RUFY2: variants seen among roughly 807,000 people sequenced by gnomAD.
RUFY2 encodes the protein RUN and FYVE domain containing 2, also known as RUN and FYVE domain-containing protein 2.
Under a neutral mutation model 94.4 loss-of-function variants are expected in RUFY2, and 49 were observed. The ratio of observed to expected loss-of-function variants is 0.52; its 90% CI spans 0.41 to 0.66. The LOEUF (loss-of-function observed/expected upper bound fraction) is 0.66. Among genes scored for constraint, RUFY2 ranks in the 30% least tolerant of loss-of-function variants. The probability of loss-of-function intolerance (pLI) is 0.00; values close to 1 mark genes in which losing one functional copy is unlikely to be tolerated. For synonymous variants in RUFY2, 255 were observed against 235.7 expected, an observed-to-expected ratio of 1.08 and a Z score of -0.75; for missense variants, 541 against 692.8, an observed-to-expected ratio of 0.78 and a Z score of 2.46.
chr10:68,379,403 C>G, intron 12 of RUFY2, 21 bp downstream of exon 12: 1 of 1,544,122 alleles, frequency 6.5e-7, no homozygotes, highest in East Asian at 2.3e-5. Context: ...AAAAAAGAAA[C>G]TAAGACTGGA....
chr10:68,406,196 CTCCAATGA>C (rs1294619831), intron 1 of RUFY2, among the ~76,000 whole-genome samples: 1 of 151,840 alleles, frequency 6.6e-6, no homozygotes, highest in Non-Finnish European at 1.5e-5. Context: ...AACCCAGAGT[CTCCAATGA>C]TCTAGTATTC....
At chr10:68,378,783 A>G (rs2048833527) in intron 12 of RUFY2, 3 of 672,730 alleles carry the variant, frequency 4.5e-6, no homozygotes, top group Non-Finnish European at 7.4e-6. Context: ...GAGGATGTCA[A>G]TAAAAGAATA....
downstream of RUFY2, chr10:68,341,959 T>A: frequency 6.2e-7 from 1 of 1,612,882 alleles, no homozygotes; most frequent in Non-Finnish European, 8.5e-7. Context: ...TGAGTGATTC[T>A]TAATATCTTT....
intron 16 of RUFY2, among the ~76,000 whole-genome samples, chr10:68,347,086 CCACTGCACTCGAGCCTGAGCAAGAGTGA>C (rs971270373): frequency 6.6e-6 from 1 of 151,830 alleles, no homozygotes; most frequent in African/African-American, 2.4e-5. Context: ...GGCTTGAGTG[CCACTGCACTCGAGCCTGAGCAAGAGTGA>C]GACCCTGTCT....
At chr10:68,341,373 T>A, downstream of RUFY2, 1 of 1,510,114 alleles carries the variant, frequency 6.6e-7, no homozygotes, top group Non-Finnish European at 9.0e-7. Flanking sequence ...TAAGAGGCTC[T>A]AAGATCTGTA....
At chr10:68,383,680 G>A (rs2049266601) in intron 10 of RUFY2, 118 bp downstream of exon 10, 2 of 720,514 alleles carry the variant, frequency 2.8e-6, no homozygotes, top group East Asian at 2.5e-5. Flanking sequence ...ATTAAGGGGT[G>A]AGCTTGCTAC....
rs1424220876 is a variant in RUFY2 at position 68,343,822 on chromosome 10, A to T, written c.*1946T>A. On this transcript the variant is annotated 3_prime_UTR_variant, in exon 18 of 18. Transcript: ENST00000602465. Reference sequence around the variant, plus strand: ...TAAAAGCTGCCTAAAAAAAAAAAAAAAAAAAAAAAAAGCAAGTCAGTCAGT... The same window carrying T: ...TAAAAGCTGCCTAAAAAAAAAAAAATAAAAAAAAAAAGCAAGTCAGTCAGT... 2 of 149,346 alleles carry T rather than the reference A, an allele frequency of 1.3e-5. No homozygotes were observed. Among genetic ancestry groups the T allele is most frequent in the South Asian group, 2.1e-4 (1 of 4,766 alleles). 9.3% of individuals were successfully genotyped at this position (149,346 alleles called of 1,614,324 possible). A position where few individuals can be genotyped will look rare whatever the true frequency, so the allele number is the denominator to read the frequency against.
At chr10:68,359,080 T>A (rs2047252187) in intron 15 of RUFY2, among the ~76,000 whole-genome samples, 1 of 151,866 alleles carries the variant, frequency 6.6e-6, no homozygotes, top group African/African-American at 2.4e-5. Context: ...AACCATAATG[T>A]ACAAGAATAC....
intron 3 of RUFY2, among the ~76,000 whole-genome samples, chr10:68,398,780 A>C (rs982666727): frequency 6.6e-6 from 1 of 152,120 alleles, no homozygotes; most frequent in African/African-American, 2.4e-5. Context: ...GTACAGGAAG[A>C]GACTTGATCT....
At chr10:68,384,006 A>G (rs2049290646) in intron 9 of RUFY2, 45 bp downstream of exon 9, 3 of 1,584,904 alleles carry the variant, frequency 1.9e-6, no homozygotes, top group Admixed American at 1.7e-5. Context: ...CAAAAATGGT[A>G]ATTTCTGACA....
intron 16 of RUFY2, chr10:68,346,718 G>T (rs2046301268): frequency 6.6e-6 from 1 of 152,102 alleles, no homozygotes; most frequent in Non-Finnish European, 1.5e-5. Context: ...CATGCAATAC[G>T]AAATAAGCAC....
chr10:68,348,185 ATTT>A (rs375494025), intron 16 of RUFY2, among the ~76,000 whole-genome samples: 3 of 143,392 alleles, frequency 2.1e-5, no homozygotes, highest in African/African-American at 2.6e-5. Context: ...GAATCATAGA[ATTT>A]TTTTTTTTTT....
chr10:68,404,905 A>C, intron 1 of RUFY2, 61 bp from the exon 2 acceptor site: 2 of 1,347,542 alleles, frequency 1.5e-6, no homozygotes, highest in Non-Finnish European at 1.0e-6. Flanking sequence ...AAAATATACA[A>C]ACCATTCCCT....
rs573882499 is a variant in RUFY2, at chr10:68,369,432, C to T, written c.1326-5319G>A. Among the ~76,000 whole-genome samples the T allele has an allele frequency of 8.7e-5, 13 of 149,956 alleles. No individual in the cohort carries two copies. The South Asian group carries it at 2.5e-3, about 29-fold the overall frequency. On this transcript the variant is annotated intron_variant, in intron 13 of 17. Coordinates refer to ENST00000602465, the MANE Select transcript of RUFY2 (RefSeq NM_001330103.2). ...CTGGGGAGGTCAAGGCTGCAGTAAG[C>T]TGAGATTGTACCACTGCACTACAGC...
At chr10:68,405,169 T>C (rs1478153631) in intron 1 of RUFY2, among the ~76,000 whole-genome samples, 6 of 151,832 alleles carry the variant, frequency 4.0e-5, no homozygotes, top group Admixed American at 2.6e-4. Flanking sequence ...AAAAATTAGC[T>C]GGGCATGGTG....
rs1226102929 is a variant in RUFY2, at chr10:68,343,452, T to C, written c.*2316A>G. 3 of 152,580 alleles carry C rather than the reference T, an allele frequency of 2.0e-5. No individual in the cohort carries two copies. The highest frequency in any genetic ancestry group is 4.1e-4 in the South Asian group (2 of 4,838). 9.5% of individuals were successfully genotyped at this position (152,580 alleles called of 1,614,324 possible). Reference sequence around the variant, plus strand: ...GTTTTATTTTCCCAGGATTACTCTCTTAACATCTTAAAGCAGTAAAAGTAT... The same window carrying C: ...GTTTTATTTTCCCAGGATTACTCTCCTAACATCTTAAAGCAGTAAAAGTAT... On this transcript the variant is annotated 3_prime_UTR_variant, in exon 18 of 18. Transcript: ENST00000602465.
At chr10:68,359,987 G>A (rs913149488) in intron 15 of RUFY2, among the ~76,000 whole-genome samples, 6 of 151,996 alleles carry the variant, frequency 3.9e-5, no homozygotes, top group Admixed American at 1.3e-4. Flanking sequence ...CACCACACCC[G>A]GCTAATTTTT....
At chr10:68,376,795 A>T in intron 13 of RUFY2, 58 bp downstream of exon 13, 1 of 1,496,742 alleles carries the variant, frequency 6.7e-7, no homozygotes, top group Non-Finnish European at 9.3e-7. Context: ...CATTATGTGC[A>T]AAAAAATGAG....
intron 15 of RUFY2, among the ~76,000 whole-genome samples, chr10:68,357,493 A>C (rs1392651768): frequency 6.6e-6 from 1 of 152,076 alleles, no homozygotes; most frequent in African/African-American, 2.4e-5. Flanking sequence ...CGGCCTCCCA[A>C]AGTGCTAGGA....
Sources: gnomAD v4.1 joint callset for allele counts (sites outside exome capture counted in the v4.1 genomes callset) on GRCh38, gnomAD v4.1.1 for gene constraint, MANE v1.5 for transcripts, NCBI Gene and HGNC (gene_info 2026-07-23, HGNC 2026-07-21) for gene names.